RHBDF1: variants seen among roughly 807,000 people sequenced by gnomAD.
RHBDF1 encodes rhomboid 5 homolog 1.
RHBDF1 carries 80 observed loss-of-function variants against 98.6 expected under a neutral mutation model. The ratio of observed to expected loss-of-function variants is 0.81; its 90% CI spans 0.68 to 0.98. RHBDF1 has a LOEUF of 0.98. RHBDF1 is among the 50% of genes least tolerant of loss of function. The pLI, the probability that RHBDF1 is intolerant of heterozygous loss-of-function variation, is 0.00. For missense variants in RHBDF1, 1,116 were observed against 1,198.3 expected (o/e 0.93, Z 1.01); for synonymous variants, 512 against 486.8 (o/e 1.05, Z -0.68).
intron 1 of RHBDF1, among the ~76,000 whole-genome samples, chr16:69,542 TTC>T (rs1464328976): frequency 3.9e-5 from 6 of 151,962 alleles, no homozygotes; most frequent in Non-Finnish European, 8.8e-5. Context: ...ACCCTCAGTC[TTC>T]TGTTTGACTC....
intron 3 of RHBDF1, 32 bp from the exon 4 acceptor site, chr16:63,832 C>T (rs370324016): frequency 3.1e-6 from 5 of 1,589,770 alleles, no homozygotes; most frequent in African/African-American, 2.7e-5. Flanking sequence ...AAGGGGCGGC[C>T]AGATCGCCCC....
intron 4 of RHBDF1, 48 bp downstream of exon 4, chr16:63,539 T>G: frequency 6.9e-7 from 1 of 1,458,966 alleles, no homozygotes; most frequent in Non-Finnish European, 9.2e-7. Context: ...CCCCAGCCCC[T>G]GAGAGCGGAA....
In RHBDF1 at chr16:58,315, A is replaced by T; in HGVS notation, c.*25T>A. 1 of 1,595,086 alleles carries T rather than the reference A, an allele frequency of 6.3e-7. No individual in the cohort carries two copies. Among genetic ancestry groups the T allele is most frequent in the Non-Finnish European group, 8.5e-7 (1 of 1,169,714 alleles). ...GTCTGGCTCTGGCCTGCTGGAGCAC[A>T]CGGCCGCTGGAGCCCGCAGCCAGCT... On this transcript the variant is annotated 3_prime_UTR_variant, in exon 18 of 18. Transcript: ENST00000262316.
Position 62,027 on chromosome 16 carries a change from G to A in RHBDF1, c.979C>T (p.Gln327Ter), listed in dbSNP as rs935065111. 3.3e-6 allele frequency: 5 copies of A among 1,512,172 alleles called. No individual in the cohort carries two copies. The highest frequency in any genetic ancestry group is 4.4e-6 in the Non-Finnish European group (5 of 1,134,986). 93.7% of individuals were successfully genotyped at this position (1,512,172 alleles called of 1,614,324 possible). Reference protein sequence around the residue: ...MLPLERGWRKQKEGAAAPQPK... With the variant: ...MLPLERGWRK The stretch of plus-strand genomic sequence containing the variant: ...TGCGGGGCTGCGGCGCCCTCCTTCT[G>A]CTTCCGCCAGCCTCGCTCCAAGGGC... Residue 327 changes from glutamine to a stop codon, truncating the protein, a stop_gained, in exon 8 of 18, where the codon CAG becomes TAG. Coordinates refer to ENST00000262316, the MANE Select transcript of RHBDF1 (RefSeq NM_022450.5). LOFTEE classifies it high-confidence loss of function.
At chr16:65,327 T>C (rs1204373439) in intron 1 of RHBDF1, among the ~76,000 whole-genome samples, 1 of 152,254 alleles carries the variant, frequency 6.6e-6, no homozygotes, top group African/African-American at 2.4e-5. Context: ...TTGAGGCACA[T>C]TGGTGGAGAA....
At chr16:62,079 GC>G in intron 7 of RHBDF1, 27 bp from the exon 8 acceptor site, 1 of 1,439,628 alleles carries the variant, frequency 6.9e-7, no homozygotes. Flanking sequence ...TTCACCTCCC[GC>G]CCCAGCCCCG....
chr16:63,167 C>A lies in RHBDF1; in HGVS notation c.478G>T (p.Ala160Ser). The A allele has an allele frequency of 6.3e-7, 1 of 1,578,788 alleles. No homozygotes were observed. The highest frequency in any genetic ancestry group is 8.6e-7 in the Non-Finnish European group (1 of 1,163,020). ...GCCACACGGAAGGCACGGCCACGGG[C>A]CAGGGGGTCTATGATCTGGAGGAGG... is the stretch of plus-strand genomic sequence containing the variant. The part of the protein sequence containing the change: ...LGMQKIIDPL[A>S]RGRAFRVADD... Residue 160 changes from alanine to serine, a missense_variant, in exon 5 of 18, where the codon GCC becomes TCC. Transcript: ENST00000262316.
intron 3 of RHBDF1, chr16:64,214 C>G (rs1203841563): frequency 7.6e-7 from 1 of 1,309,642 alleles, no homozygotes; most frequent in African/African-American, 1.5e-5. Context: ...AACAAAAACA[C>G]TGCCAGCACC....
chr16:58,933 G>C, intron 17 of RHBDF1, 41 bp downstream of exon 17: 1 of 1,607,128 alleles, frequency 6.2e-7, no homozygotes, highest in East Asian at 2.2e-5. Context: ...GCAGGCTGCA[G>C]GTGCACACGG....
rs1056816566 is a variant in RHBDF1 at position 58,979 on chromosome 16, C to A, written c.2143G>T (p.Ala715Ser). 2.5e-6 allele frequency: 4 copies of A among 1,613,160 alleles called. No homozygotes were observed. In the East Asian group the frequency reaches 8.9e-5, roughly 36 times the overall value. The change falls in exon 17 of 18, where the codon GCA becomes TCA. Residue 715 changes from alanine to serine, a missense_variant. Transcript: ENST00000262316. ...ACCCTGAGGGCCAGCCTTACCTCTG[C>A]TCGGTATGGCAGGAAGATGGCACTG... ...LASAIFLPYR[A>S]EVGPAGSQFG...
In RHBDF1 at chr16:62,545, G is replaced by C; in HGVS notation, c.946C>G (p.Leu316Val). The change falls in exon 7 of 18, where the codon CTG (leucine) becomes GTG (valine). Residue 316 changes from leucine (L) to valine (V), a missense_variant. Coordinates refer to ENST00000262316, the MANE Select transcript of RHBDF1 (RefSeq NM_022450.5). ...CCTGCCTGCCGCACTCACAGCATCA[G>C]GTGGCTGCGCTCAAGCTCGCTGCGG... Reference protein sequence around the residue: ...LDRSELERSHLMLPLERGWRK... With the variant: ...LDRSELERSHVMLPLERGWRK... 6.2e-7 allele frequency: 1 copy of C among 1,612,626 alleles called. No individual in the cohort carries two copies. The highest frequency in any genetic ancestry group is 1.3e-5 in the African/African-American group (1 of 75,060).
upstream of RHBDF1, among the ~76,000 whole-genome samples, chr16:75,311 G>A (rs1898066064): frequency 1.3e-5 from 2 of 152,184 alleles, no homozygotes; most frequent in African/African-American, 4.8e-5. Context: ...GGGAATGGGA[G>A]CCCTGACCAG....
chr16:61,663 G>C lies in RHBDF1; in HGVS notation c.1242C>G (p.His414Gln). Residue 414 changes from histidine (H) to glutamine (Q), a missense_variant, in exon 9 of 18, where the codon CAC becomes CAG. Transcript: ENST00000262316. ...ACACGGCTAGGATGGTGACGAGCGA[G>C]TGCACGAAGGTAAGCCAGTAGGTGA... Reference protein sequence around the residue: ...PFFTYWLTFVHSLVTILAVCI... With the variant: ...PFFTYWLTFVQSLVTILAVCI... The C allele has an allele frequency of 6.2e-7, 1 of 1,613,492 alleles. No individual in the cohort carries two copies. The highest frequency in any genetic ancestry group is 8.5e-7 in the Non-Finnish European group (1 of 1,179,920).
intron 4 of RHBDF1, 83 bp from the exon 5 acceptor site, chr16:63,265 C>T (rs1411917494): frequency 1.1e-5 from 13 of 1,190,022 alleles, no homozygotes; most frequent in East Asian, 7.7e-5. Context: ...GCAAAGACAG[C>T]GTGACTGCTG....
chr16:63,612 C>G lies in RHBDF1; in HGVS notation c.437G>C (p.Gly146Ala). The G allele has an allele frequency of 1.3e-6, 2 of 1,576,414 alleles. No homozygotes were observed. Among genetic ancestry groups the G allele is most frequent in the South Asian group, 1.2e-5 (1 of 86,576 alleles). Reference sequence around the variant, plus strand: ...CTTCTGCATGCCCAGCTGGCATGGCCCCACGTAGAGTGGGGGTGGCGTCTC... The same window carrying G: ...CTTCTGCATGCCCAGCTGGCATGGCGCCACGTAGAGTGGGGGTGGCGTCTC... ...STETPPPLYV[G>A]PCQLGMQKII... The change falls in exon 4 of 18, where the codon GGG becomes GCG. Residue 146 changes from glycine (G) to alanine (A), a missense_variant. Physicochemically the swap from Gly to Ala is moderately conservative, Grantham distance 60. Coordinates refer to ENST00000262316, the MANE Select transcript of RHBDF1 (RefSeq NM_022450.5).
rs982631148 is a variant in RHBDF1, at chr16:62,758, C to G, written c.795+17G>C. Reference sequence around the variant, plus strand: ...GAAGGGAACGTGGGGTGGGGGGACACCCCGGGCACTTCTTACCCGGGCAAA... The same window carrying G: ...GAAGGGAACGTGGGGTGGGGGGACAGCCCGGGCACTTCTTACCCGGGCAAA... On this transcript the variant is annotated intron_variant, in intron 6 of 17. Transcript: ENST00000262316. The G allele has an allele frequency of 6.2e-7, 1 of 1,614,040 alleles. No homozygotes were observed. Among genetic ancestry groups the G allele is most frequent in the Non-Finnish European group, 8.5e-7 (1 of 1,179,996 alleles).
At chr16:61,030 G>C (rs1209811252) in intron 11 of RHBDF1, 90 bp downstream of exon 11, 2 of 1,389,794 alleles carry the variant, frequency 1.4e-6, no homozygotes, top group Non-Finnish European at 1.9e-6. Context: ...CCAGGAACGA[G>C]GGCGAAGGAT....
At chr16:74,063 TTGGAGGGGG>T (rs1386238413), upstream of RHBDF1, 1 of 491,922 alleles carries the variant, frequency 2.0e-6, no homozygotes, top group African/African-American at 2.1e-5. Flanking sequence ...AATGGAAGCT[TTGGAGGGGG>T]TGGAGGGTAA....
upstream of RHBDF1, chr16:72,660 C>G (rs1265995504): frequency 1.0e-6 from 1 of 979,768 alleles, no homozygotes; most frequent in Non-Finnish European, 1.2e-6. Context: ...CGCCCGGGGG[C>G]GGGCCCGGCC....
Sources: allele counts gnomAD v4.1 joint callset (sites outside exome capture counted in the v4.1 genomes callset), GRCh38; gene constraint gnomAD v4.1.1; transcripts MANE v1.5; gene names NCBI Gene and HGNC (gene_info 2026-07-23, HGNC 2026-07-21).